Variants in CLVS1 observed in about 807,000 individuals in gnomAD.
CLVS1 encodes the protein clavesin 1.
Under a neutral mutation model 33.1 loss-of-function variants are expected in CLVS1, and 10 were observed. That is an observed-to-expected ratio of 0.30 (90% CI 0.19 to 0.51). The LOEUF is 0.51. Ranked by LOEUF, CLVS1 falls within the 20% of genes least tolerant of loss-of-function variation. The pLI, the probability that CLVS1 is intolerant of heterozygous loss-of-function variation, is 0.97. For missense variants in CLVS1, 343 were observed against 433.4 expected (o/e 0.79, Z 1.85); for synonymous variants, 163 against 166.1 (o/e 0.98, Z 0.14).
At chr8:61,456,935 C>T (rs1291926079) in intron 4 of CLVS1, among the ~76,000 whole-genome samples, 2 of 148,420 alleles carry the variant, frequency 1.3e-5, no homozygotes, top group African/African-American at 2.5e-5. Context: ...AAAAAAAATA[C>T]ATATAGATTT....
chr8:61,354,431 A>G (rs1812600809), intron 2 of CLVS1, among the ~76,000 whole-genome samples: 1 of 152,116 alleles, frequency 6.6e-6, no homozygotes, highest in African/African-American at 2.4e-5. Flanking sequence ...AAACTGAAAA[A>G]AAACTGTACA....
chr8:61,047,953 TA>T, the CLVS1 span, among the ~76,000 whole-genome samples: 14 of 151,130 alleles, frequency 9.3e-5, no homozygotes, highest in South Asian at 4.2e-4. Flanking sequence ...AATAATAAAA[TA>T]AAAAAAATTC....
chr8:61,202,903 G>A (rs566039090), intron 2 of CLVS1: 90 of 1,066,450 alleles, frequency 8.4e-5, no homozygotes, highest in East Asian at 7.1e-4. Context: ...TGAGGAAGCT[G>A]AAGAAAAAGT....
chr8:61,401,155 G>C (rs1324543546), intron 3 of CLVS1, among the ~76,000 whole-genome samples: 3 of 150,934 alleles, frequency 2.0e-5, no homozygotes, highest in Non-Finnish European at 2.9e-5. Flanking sequence ...TGACTTATTA[G>C]TACTAATCAT....
intron 3 of CLVS1, among the ~76,000 whole-genome samples, chr8:61,398,834 G>A (rs766496580): frequency 1.2e-4 from 19 of 152,128 alleles, no homozygotes; most frequent in Non-Finnish European, 2.6e-4. Context: ...AGTTTGCTGA[G>A]GATAATGGCT....
intron 2 of CLVS1, among the ~76,000 whole-genome samples, chr8:61,204,238 G>A (rs757128601): frequency 5.3e-5 from 8 of 152,182 alleles, no homozygotes; most frequent in Non-Finnish European, 8.8e-5. Flanking sequence ...GACAGACAAT[G>A]AGAAAAGAGT....
chr8:61,400,919 T>G (rs1251836134), intron 3 of CLVS1, among the ~76,000 whole-genome samples: 1 of 152,102 alleles, frequency 6.6e-6, no homozygotes. Flanking sequence ...TGATGGGCTG[T>G]GGGATTCAGT....
intron 3 of CLVS1, among the ~76,000 whole-genome samples, chr8:61,443,054 AT>A (rs1178478248): frequency 6.6e-6 from 1 of 152,024 alleles, no homozygotes; most frequent in African/African-American, 2.4e-5. Context: ...ATTTTCTGGC[AT>A]GTTTTTGCTC....
chr8:61,393,326 T>C (rs1264368067), intron 3 of CLVS1, among the ~76,000 whole-genome samples: 1 of 152,190 alleles, frequency 6.6e-6, no homozygotes, highest in African/African-American at 2.4e-5. Context: ...AAAAAAAATC[T>C]CTTTAAGTCG....
At chr8:61,160,149 A>T (rs1431732677) in intron 2 of CLVS1, among the ~76,000 whole-genome samples, 1 of 152,222 alleles carries the variant, frequency 6.6e-6, no homozygotes, top group Admixed American at 6.5e-5. Context: ...ATGAGGATGG[A>T]AGAGCCCTGT....
At chr8:61,286,958 C>T (rs1563477623), upstream of CLVS1, among the ~76,000 whole-genome samples, 1 of 152,170 alleles carries the variant, frequency 6.6e-6, no homozygotes, top group Non-Finnish European at 1.5e-5. Flanking sequence ...TAGCTATAAA[C>T]ATTACAGGCT....
rs965790353 is a variant in CLVS1 at position 61,072,260 on chromosome 8, C to T, written c.-243+15030C>T. 7.2e-5 allele frequency among the ~76,000 whole-genome samples: 11 copies of T among 152,334 alleles called. 1 individual carries two copies. The highest frequency in any genetic ancestry group is 2.1e-4 in the South Asian group (1 of 4,826). On this transcript the variant is annotated intron_variant, in intron 1 of 2. Transcript: ENST00000522621. ...CCTCTGTCCTCTGTCCACTTCCCCG[C>T]TCTGTGGCATTTTTCTTTGTTAATC...
chr8:61,415,084 A>G (rs979820763), intron 3 of CLVS1, among the ~76,000 whole-genome samples: 3 of 152,254 alleles, frequency 2.0e-5, no homozygotes, highest in Non-Finnish European at 4.4e-5. Flanking sequence ...CAAAGGCCCA[A>G]GGCTTTTGGC....
upstream of CLVS1, among the ~76,000 whole-genome samples, chr8:61,283,643 G>T (rs1412128335): frequency 6.6e-6 from 1 of 152,120 alleles, no homozygotes. Flanking sequence ...TGAATTTGTG[G>T]AGTAGAGATC....
chr8:61,210,881 G>A (rs1429714624), intron 2 of CLVS1, among the ~76,000 whole-genome samples: 7 of 152,120 alleles, frequency 4.6e-5, no homozygotes, highest in Non-Finnish European at 8.8e-5. Context: ...TGTAGAGTAG[G>A]AGAATCAGTG....
the CLVS1 span, among the ~76,000 whole-genome samples, chr8:60,965,558 G>A: frequency 6.6e-6 from 1 of 152,150 alleles, no homozygotes; most frequent in African/African-American, 2.4e-5. Flanking sequence ...ACCCCTGATG[G>A]AGGGCAGGGA....
intron 3 of CLVS1, chr8:61,378,399 C>T (rs1222554111): frequency 6.6e-6 from 1 of 152,120 alleles, no homozygotes; most frequent in Non-Finnish European, 1.5e-5. Context: ...TGAATTAATC[C>T]ATGCGAATGT....
At chr8:61,054,958 T>C (rs1027036034), upstream of CLVS1, among the ~76,000 whole-genome samples, 3 of 152,338 alleles carry the variant, frequency 2.0e-5, no homozygotes, top group Admixed American at 2.0e-4. Context: ...AATCATTACC[T>C]CATTGCTTGC....
chr8:61,328,707 C>G (rs558472126), intron 2 of CLVS1, among the ~76,000 whole-genome samples: 1 of 152,288 alleles, frequency 6.6e-6, no homozygotes, highest in South Asian at 2.1e-4. Context: ...ATAGATTTCT[C>G]TCATCTGTGT....
Sources: allele counts gnomAD v4.1 joint callset (sites outside exome capture counted in the v4.1 genomes callset), GRCh38; gene constraint gnomAD v4.1.1; transcripts MANE v1.5; gene names NCBI Gene and HGNC (gene_info 2026-07-23, HGNC 2026-07-21).